The following ASIC4 variants were observed in gnomAD, a reference collection of about 807,000 sequenced individuals.
ASIC4 encodes the protein acid sensing ion channel subunit family member 4.
Under a neutral mutation model 53.4 loss-of-function variants are expected in ASIC4, and 28 were observed. That is an observed-to-expected ratio of 0.52 (90% CI 0.39 to 0.72). The LOEUF (loss-of-function observed/expected upper bound fraction) is 0.72, where lower values mean the gene tolerates loss of function less well. ASIC4 is among the 30% of genes least tolerant of loss of function. ASIC4 has a pLI of 0.00. For synonymous variants in ASIC4, 289 were observed against 301.4 expected, an observed-to-expected ratio of 0.96 and a Z score of 0.43; for missense variants, 649 against 729.7, an observed-to-expected ratio of 0.89 and a Z score of 1.27.
At position 219,518,038 on chromosome 2, in the gene ASIC4, A is replaced by G. The variant is rs914158325; in HGVS notation, c.582+2732A>G. Among the ~76,000 whole-genome samples the G allele has an allele frequency of 7.2e-5, 11 of 151,884 alleles. No homozygotes were observed. Among genetic ancestry groups the G allele is most frequent in the Admixed American group, 3.3e-4 (5 of 15,254 alleles). ...TGCTCTTGCTTCTGTTACCACTGCA[A>G]TCGCTCTCCCCCCACGCTCCCTAAT... On this transcript the variant is annotated intron_variant, in intron 1 of 9. Transcript: ENST00000358078. The surrounding 1 kb of genome is among the most constrained non-coding windows in gnomAD (Gnocchi z 4.8).
In ASIC4 at chr2:219,515,179, CG is replaced by C; in HGVS notation, c.457del (p.Ala153LeufsTer11). 1 of 1,614,210 alleles carries C rather than the reference CG, an allele frequency of 6.2e-7. No individual in the cohort carries two copies. The highest frequency in any genetic ancestry group is 1.1e-5 in the South Asian group (1 of 91,086). On this transcript the variant is annotated frameshift_variant, in exon 1 of 10. Transcript: ENST00000358078. LOFTEE classifies it high-confidence loss of function. ...CCCAAAGACCGGGATGGGCACCGTGCGGCTGGCCTGCGCTACCCAGAGCCTG... is the reference window on the plus strand; with the variant it reads ...CCCAAAGACCGGGATGGGCACCGTGCGCTGGCCTGCGCTACCCAGAGCCTG... ...LPPKDRDGHR[A>X]AGLRYPEPDM...
In ASIC4 at chr2:219,534,028, T is replaced by C. The variant is rs1434078157; in HGVS notation, c.1075+1089T>C. The C allele has an allele frequency of 2.6e-5, 2 of 76,766 alleles. 1 individual carries two copies. The highest frequency in any genetic ancestry group is 4.4e-5 in the Non-Finnish European group (2 of 45,322). The allele number at this position is 76,766 out of a possible 1,614,324, so 4.8% of individuals were successfully genotyped here. A position where few individuals can be genotyped will look rare whatever the true frequency, so the allele number is the denominator to read the frequency against. On this transcript the variant is annotated intron_variant, in intron 5 of 9. Coordinates refer to ENST00000358078, the MANE Select transcript of ASIC4 (RefSeq NM_018674.6). ...TAGTCTGAGCTACAGAGTTACCCTG[T>C]CTCAAAAAAAAAAAAAAAAAAAAAA...
intron 1 of ASIC4, among the ~76,000 whole-genome samples, chr2:219,523,059 C>G (rs61191042): frequency 0.011 from 1,654 of 151,724 alleles, 16 homozygotes; most frequent in African/African-American, 0.038. Flanking sequence ...TCCTGGCAGG[C>G]GCACACCCAC....
In ASIC4 at chr2:219,514,600, T is replaced by C; in HGVS notation, c.-125T>C. Reference sequence around the variant, plus strand: ...GGCCCCCACCCTGTCCCTGTCCTCTTCCCGCTTGCCCTGAGTTTAGAAGAG... The same window carrying C: ...GGCCCCCACCCTGTCCCTGTCCTCTCCCCGCTTGCCCTGAGTTTAGAAGAG... On this transcript the variant is annotated 5_prime_UTR_variant, in exon 1 of 10. Transcript: ENST00000358078. 6.3e-7 allele frequency: 1 copy of C among 1,598,696 alleles called. No individual in the cohort carries two copies. The highest frequency in any genetic ancestry group is 8.5e-7 in the Non-Finnish European group (1 of 1,172,810).
intron 1 of ASIC4, among the ~76,000 whole-genome samples, 188 bp downstream of exon 1, chr2:219,515,494 C>T (rs560881923): frequency 6.6e-6 from 1 of 152,362 alleles, no homozygotes; most frequent in East Asian, 1.9e-4. Context: ...GCAGTGGCCG[C>T]TCATAGGGGC....
chr2:219,509,652 CAG>C (rs1694674428), upstream of ASIC4, among the ~76,000 whole-genome samples: 1 of 152,076 alleles, frequency 6.6e-6, no homozygotes. This position sits in a 1 kb window ranked among gnomAD's most constrained non-coding sequence, Gnocchi z 5.2. Context: ...CTGGGAGGCT[CAG>C]AGAGCAGGAG....
Position 219,517,877 on chromosome 2 carries a change from G to C in ASIC4, c.582+2571G>C, listed in dbSNP as rs188434225. Among the ~76,000 whole-genome samples the C allele has an allele frequency of 6.6e-6, 1 of 152,136 alleles. No individual in the cohort carries two copies. Among genetic ancestry groups the C allele is most frequent in the East Asian group, 1.9e-4 (1 of 5,180 alleles). On this transcript the variant is annotated intron_variant, in intron 1 of 9. Coordinates refer to ENST00000358078, the MANE Select transcript of ASIC4 (RefSeq NM_018674.6). This position sits in a 1 kb window ranked among gnomAD's most constrained non-coding sequence, Gnocchi z 4.2. ...ACCAAGGGGCTGTTATGTGTTTTCTGTTGCTTTCCCTGTTTCCTCCTTCCC... is the reference window on the plus strand; with the variant it reads ...ACCAAGGGGCTGTTATGTGTTTTCTCTTGCTTTCCCTGTTTCCTCCTTCCC...
chr2:219,535,326 T>A lies in ASIC4; in HGVS notation c.1229+2T>A, dbSNP rs1488426109. 1 of 1,563,176 alleles carries A rather than the reference T, an allele frequency of 6.4e-7. No homozygotes were observed. Among genetic ancestry groups the A allele is most frequent in the Non-Finnish European group, 8.6e-7 (1 of 1,156,912 alleles). ...CAACCGCAACGAGACCTACATACGG[T>A]ATGTGTGTGTGTGTGTGGGGGGTGG... On this transcript the variant is annotated splice_donor_variant, in intron 6 of 9. Transcript: ENST00000358078. LOFTEE classifies it high-confidence loss of function.
intron 1 of ASIC4, among the ~76,000 whole-genome samples, chr2:219,519,528 C>A (rs1040430276): frequency 2.6e-5 from 4 of 152,246 alleles, no homozygotes; most frequent in African/African-American, 9.6e-5. Context: ...CAGGAGTGCG[C>A]ACACACTGTC....
chr2:219,509,827 C>T (rs1200005023), upstream of ASIC4, among the ~76,000 whole-genome samples: 1 of 152,128 alleles, frequency 6.6e-6, no homozygotes, highest in Admixed American at 6.5e-5. This position sits in a 1 kb window ranked among gnomAD's most constrained non-coding sequence, Gnocchi z 5.2. Flanking sequence ...CTGATCGCTG[C>T]GGCACCCTTG....
Position 219,535,191 on chromosome 2 carries a change from G to A in ASIC4, c.1096G>A (p.Glu366Lys). 1 of 1,613,650 alleles carries A rather than the reference G, an allele frequency of 6.2e-7. No individual in the cohort carries two copies. Among genetic ancestry groups the A allele is most frequent in the South Asian group, 1.1e-5 (1 of 91,040 alleles). Residue 366 changes from glutamate (E) to lysine (K), a missense_variant, in exon 6 of 10, where the codon GAG (glutamate) becomes AAG (lysine). Glu to Lys is a moderately conservative substitution (Grantham distance 56). Transcript: ENST00000358078. ...TGCAGACTCCCTGGGTGGGGGCCCT[G>A]AGGGCCCGTGCTTCTGCCCCACCCC... ...HTLDSLGGGP[E>K]GPCFCPTPCN...
chr2:219,514,748 A>T lies in ASIC4; in HGVS notation c.24A>T (p.Lys8Asn). MPIEIVCKIKFAEEDAKP... is the reference protein window; with the variant it reads MPIEIVCNIKFAEEDAKP... ...AGATGCCGATCGAGATTGTGTGCAAAATCAAATTTGCTGAGGAGGATGCGA... is the reference window on the plus strand; with the variant it reads ...AGATGCCGATCGAGATTGTGTGCAATATCAAATTTGCTGAGGAGGATGCGA... The change falls in exon 1 of 10, where the codon AAA becomes AAT. Residue 8 changes from lysine (K) to asparagine (N), a missense_variant. Coordinates refer to ENST00000358078, the MANE Select transcript of ASIC4 (RefSeq NM_018674.6). 1 of 1,613,426 alleles carries T rather than the reference A, an allele frequency of 6.2e-7. No individual in the cohort carries two copies. The highest frequency in any genetic ancestry group is 1.1e-5 in the South Asian group (1 of 91,068).
At position 219,517,083 on chromosome 2, in the gene ASIC4, C is replaced by T. The variant is rs1694805889; in HGVS notation, c.582+1777C>T. On this transcript the variant is annotated intron_variant, in intron 1 of 9. Coordinates refer to ENST00000358078, the MANE Select transcript of ASIC4 (RefSeq NM_018674.6). This position sits in a 1 kb window ranked among gnomAD's most constrained non-coding sequence, Gnocchi z 4.2. ...ACAGAAATCAATGGGATCTTTGTGT[C>T]CCCGAGCGGGAGTTGGGGGTGGGCA... 1 of 152,260 alleles carries T rather than the reference C, an allele frequency of 6.6e-6. No individual in the cohort carries two copies. Among genetic ancestry groups the T allele is most frequent in the Non-Finnish European group, 1.5e-5 (1 of 68,182 alleles). The allele number at this position is 152,260 out of a possible 1,614,324, so 9.4% of individuals were successfully genotyped here.
chr2:219,518,104 C>T lies in ASIC4; in HGVS notation c.582+2798C>T, dbSNP rs1457068119. 6.6e-6 allele frequency among the ~76,000 whole-genome samples: 1 copy of T among 152,158 alleles called. No homozygotes were observed. The highest frequency in any genetic ancestry group is 1.5e-5 in the Non-Finnish European group (1 of 68,036). On this transcript the variant is annotated intron_variant, in intron 1 of 9. Coordinates refer to ENST00000358078, the MANE Select transcript of ASIC4 (RefSeq NM_018674.6). This position sits in a 1 kb window ranked among gnomAD's most constrained non-coding sequence, Gnocchi z 4.8. ...CCCAATCAGTCAGTCAATCAATCAA[C>T]ATGGAGTTCTGGGTGCCTACTATGT...
In ASIC4 at chr2:219,514,768, A is replaced by T; in HGVS notation, c.44A>T (p.Asp15Val). ...TGCAAAATCAAATTTGCTGAGGAGGATGCGAAACCCAAGGAGAAGGAGGCA... is the reference window on the plus strand; with the variant it reads ...TGCAAAATCAAATTTGCTGAGGAGGTTGCGAAACCCAAGGAGAAGGAGGCA... ...IVCKIKFAEE[D>V]AKPKEKEAGD... Residue 15 changes from aspartate to valine, a missense_variant, in exon 1 of 10, where the codon GAT (aspartate) becomes GTT (valine). Asp to Val is a radical substitution (Grantham distance 152). Coordinates refer to ENST00000358078, the MANE Select transcript of ASIC4 (RefSeq NM_018674.6). 6.2e-7 allele frequency: 1 copy of T among 1,613,386 alleles called. No homozygotes were observed. Among genetic ancestry groups the T allele is most frequent in the South Asian group, 1.1e-5 (1 of 91,068 alleles).
chr2:219,507,679 C>A, the ASIC4 span, among the ~76,000 whole-genome samples: 2 of 152,212 alleles, frequency 1.3e-5, no homozygotes, highest in South Asian at 2.1e-4. Flanking sequence ...TCTTGGTGCC[C>A]CCCTTCCCCA....
chr2:219,516,977 C>T lies in ASIC4; in HGVS notation c.582+1671C>T, dbSNP rs1694802324. The stretch of plus-strand genomic sequence containing the variant: ...GGAGGGTGAGTGTGGCCTTTGGGAT[C>T]CATAGGGCTCTGCTGTCCTCAATCC... On this transcript the variant is annotated intron_variant, in intron 1 of 9. Coordinates refer to ENST00000358078, the MANE Select transcript of ASIC4 (RefSeq NM_018674.6). This position sits in a 1 kb window ranked among gnomAD's most constrained non-coding sequence, Gnocchi z 4.9. The T allele has an allele frequency of 6.6e-6, 1 of 152,270 alleles. No individual in the cohort carries two copies. The allele number at this position is 152,270 out of a possible 1,614,324, so 9.4% of individuals were successfully genotyped here. A position where few individuals can be genotyped will look rare whatever the true frequency, so the allele number is the denominator to read the frequency against.
upstream of ASIC4, among the ~76,000 whole-genome samples, chr2:219,511,030 C>T (rs922639751): frequency 6.6e-6 from 1 of 152,198 alleles, no homozygotes; most frequent in Non-Finnish European, 1.5e-5. The surrounding 1 kb of genome is among the most constrained non-coding windows in gnomAD (Gnocchi z 5.3). Context: ...TCCCTTACCG[C>T]CCACATCTGT....
At position 219,515,032 on chromosome 2, in the gene ASIC4, C is replaced by G. The variant is rs1272448487; in HGVS notation, c.308C>G (p.Pro103Arg). The change falls in exon 1 of 10, where the codon CCC (proline) becomes CGC (arginine). Residue 103 changes from proline (P) to arginine (R), a missense_variant. Transcript: ENST00000358078. ...CGGCCTCACCTGGTGGCAATGGACC[C>G]CGCTGCCCCAGCCCCAGTGGCGGGC... ...LTRPHLVAMD[P>R]AAPAPVAGFP... 6.2e-7 allele frequency: 1 copy of G among 1,613,674 alleles called. No individual in the cohort carries two copies. The highest frequency in any genetic ancestry group is 1.1e-5 in the South Asian group (1 of 91,076).
Sources: allele counts gnomAD v4.1 joint callset (sites outside exome capture counted in the v4.1 genomes callset), GRCh38; gene constraint gnomAD v4.1.1; non-coding constraint Gnocchi (gnomAD v3.1); transcripts MANE v1.5; gene names NCBI Gene and HGNC (gene_info 2026-07-23, HGNC 2026-07-21).